The following ZNF385B variants were observed in gnomAD, a reference collection of about 807,000 sequenced individuals.
The protein encoded by ZNF385B is zinc finger protein 533.
Under a neutral mutation model 39.2 loss-of-function variants are expected in ZNF385B, and 23 were observed. The observed-to-expected ratio is 0.59, with a 90% CI of 0.42 to 0.83. The LOEUF is 0.83. Among genes scored for constraint, ZNF385B ranks in the 40% least tolerant of loss-of-function variants. ZNF385B has a pLI of 0.00. For synonymous variants in ZNF385B, 205 were observed against 222.6 expected, an observed-to-expected ratio of 0.92 and a Z score of 0.70; for missense variants, 552 against 598.9, an observed-to-expected ratio of 0.92 and a Z score of 0.82.
intron 3 of ZNF385B, among the ~76,000 whole-genome samples, chr2:179,694,802 G>C (rs1243166603): frequency 6.6e-6 from 1 of 151,940 alleles, no homozygotes; most frequent in Non-Finnish European, 1.5e-5. Flanking sequence ...TGATGGTGTG[G>C]GCCTGTAGTC....
In ZNF385B at chr2:179,692,577, T is replaced by C. The variant is rs116616734; in HGVS notation, c.298+76926A>G. The stretch of plus-strand genomic sequence containing the variant: ...CCCTATATTTGAGTAGCACTTTACG[T>C]TTCACAAAGTGCTTTCACATGTATT... On this transcript the variant is annotated intron_variant, in intron 3 of 9. Coordinates refer to ENST00000410066, the MANE Select transcript of ZNF385B (RefSeq NM_152520.6). Among the ~76,000 whole-genome samples, 878 of 152,312 alleles carry C rather than the reference T, an allele frequency of 5.8e-3. 6 individuals are homozygous for C. The highest frequency in any genetic ancestry group is 0.02 in the African/African-American group (834 of 41,554).
At chr2:179,838,565 A>C (rs895100366) in intron 1 of ZNF385B, among the ~76,000 whole-genome samples, 2 of 152,182 alleles carry the variant, frequency 1.3e-5, no homozygotes, top group Non-Finnish European at 2.9e-5. Flanking sequence ...CTGCAACTCC[A>C]AAGGAAATGC....
intron 1 of ZNF385B, among the ~76,000 whole-genome samples, chr2:179,858,944 C>T (rs754205196): frequency 9.9e-5 from 15 of 152,114 alleles, no homozygotes; most frequent in Non-Finnish European, 1.6e-4. Flanking sequence ...GCAGGGGAGG[C>T]GGGGTGGCCA....
intron 1 of ZNF385B, among the ~76,000 whole-genome samples, chr2:179,795,506 A>G (rs1341952060): frequency 6.6e-6 from 1 of 152,198 alleles, no homozygotes; most frequent in African/African-American, 2.4e-5. Flanking sequence ...TCATTTTTAT[A>G]TAATGAGATT....
intron 3 of ZNF385B, among the ~76,000 whole-genome samples, chr2:179,705,815 A>G (rs1426584326): frequency 2.6e-5 from 4 of 152,276 alleles, no homozygotes; most frequent in Non-Finnish European, 5.9e-5. Context: ...GAGGATGAAT[A>G]CTAAACCAAT....
intron 3 of ZNF385B, among the ~76,000 whole-genome samples, chr2:179,626,884 A>G (rs1247474316): frequency 2.6e-5 from 4 of 152,206 alleles, no homozygotes; most frequent in Admixed American, 6.5e-5. Context: ...GAATGGAAAC[A>G]CTTCCAATGT....
intron 3 of ZNF385B, among the ~76,000 whole-genome samples, chr2:179,739,488 TG>T (rs1701962989): frequency 6.6e-6 from 1 of 152,212 alleles, no homozygotes; most frequent in Admixed American, 6.5e-5. Flanking sequence ...CTAAGCATAG[TG>T]GGGTATCTAA....
At chr2:179,543,582 G>C (rs2060051994) in intron 4 of ZNF385B, among the ~76,000 whole-genome samples, 1 of 152,102 alleles carries the variant, frequency 6.6e-6, no homozygotes, top group Non-Finnish European at 1.5e-5. Context: ...GGATGCAGCG[G>C]GTGGATCAAT....
At chr2:179,771,146 G>A (rs570882335) in intron 1 of ZNF385B, among the ~76,000 whole-genome samples, 2 of 152,036 alleles carry the variant, frequency 1.3e-5, no homozygotes, top group Non-Finnish European at 2.9e-5. Context: ...GGCTTGTAAG[G>A]GACTTCTTAT....
chr2:179,726,478 A>G (rs1701027796), intron 3 of ZNF385B, among the ~76,000 whole-genome samples: 1 of 152,040 alleles, frequency 6.6e-6, no homozygotes, highest in East Asian at 1.9e-4. Context: ...GCTCATTAGG[A>G]TATGGGAGTA....
At chr2:179,514,707 G>A (rs2057956671) in intron 5 of ZNF385B, among the ~76,000 whole-genome samples, 1 of 151,466 alleles carries the variant, frequency 6.6e-6, no homozygotes, top group Admixed American at 6.6e-5. Flanking sequence ...AAAAATTAAA[G>A]TGATTACAAA....
chr2:179,772,090 AC>A (rs1704045757), intron 1 of ZNF385B, among the ~76,000 whole-genome samples: 1 of 152,082 alleles, frequency 6.6e-6, no homozygotes, highest in Non-Finnish European at 1.5e-5. Context: ...TGTTCCTATG[AC>A]TTTTTTGTTT....
intron 3 of ZNF385B, among the ~76,000 whole-genome samples, chr2:179,702,641 A>G (rs1423170246): frequency 6.6e-6 from 1 of 152,240 alleles, no homozygotes; most frequent in Non-Finnish European, 1.5e-5. Flanking sequence ...TAAGATACAC[A>G]TAGCCAAAAT....
intron 1 of ZNF385B, among the ~76,000 whole-genome samples, chr2:179,815,515 A>G (rs1024318227): frequency 1.3e-5 from 2 of 152,244 alleles, no homozygotes; most frequent in Non-Finnish European, 2.9e-5. Flanking sequence ...GTTTACCTAA[A>G]CACATGTCAA....
chr2:179,465,764 C>T (rs980836740), intron 6 of ZNF385B, among the ~76,000 whole-genome samples: 2 of 152,210 alleles, frequency 1.3e-5, no homozygotes, highest in East Asian at 3.9e-4. Context: ...CCATGTCTTC[C>T]CTTCTTCCCT....
Position 179,524,551 on chromosome 2 carries a change from CAAAAAAAAAAAAA to C in ZNF385B, c.442-5926_442-5914del, listed in dbSNP as rs770219234. 5.9e-3 allele frequency among the ~76,000 whole-genome samples: 359 copies of C among 61,004 alleles called. 2 individuals carry two copies. The highest frequency in any genetic ancestry group is 7.1e-3 in the Non-Finnish European group (267 of 37,662). 40.0% of individuals were successfully genotyped at this position (61,004 alleles called of 152,430 possible). A position where few individuals can be genotyped will look rare whatever the true frequency, so the allele number is the denominator to read the frequency against. On this transcript the variant is annotated intron_variant, in intron 4 of 9. Coordinates refer to ENST00000410066, the MANE Select transcript of ZNF385B (RefSeq NM_152520.6). ...TGGGTGACAGAGCGAGACTCCGTCT[CAAAAAAAAAAAAA>C]AAAAAAAAAAAAAAAAAAAAAAAAA...
intron 3 of ZNF385B, among the ~76,000 whole-genome samples, chr2:179,754,763 G>A (rs959784738): frequency 3.9e-5 from 6 of 151,966 alleles, no homozygotes; most frequent in Non-Finnish European, 7.4e-5. Context: ...TATTTCTTTG[G>A]GATCGGTGGT....
intron 3 of ZNF385B, among the ~76,000 whole-genome samples, chr2:179,670,761 T>C (rs2106302672): frequency 6.6e-6 from 1 of 152,296 alleles, no homozygotes; most frequent in Admixed American, 6.5e-5. Flanking sequence ...GTACATACAG[T>C]CTAAAGAGAT....
intron 1 of ZNF385B, among the ~76,000 whole-genome samples, chr2:179,854,902 T>C (rs911845658): frequency 7.9e-5 from 12 of 152,204 alleles, no homozygotes; most frequent in African/African-American, 2.9e-4. Context: ...GCAAATATTG[T>C]CCTTGATCCT....
Sources: allele counts gnomAD v4.1 joint callset (sites outside exome capture counted in the v4.1 genomes callset), GRCh38; gene constraint gnomAD v4.1.1; transcripts MANE v1.5; gene names NCBI Gene and HGNC (gene_info 2026-07-23, HGNC 2026-07-21).